The following CSMD1 variants were observed in gnomAD, a reference collection of about 807,000 sequenced individuals.
CSMD1 encodes the protein CUB and Sushi multiple domains 1.
Under a neutral mutation model 417.5 loss-of-function variants are expected in CSMD1, and 213 were observed. The ratio of observed to expected loss-of-function variants is 0.51; its 90% confidence interval spans 0.46 to 0.57. The LOEUF (loss-of-function observed/expected upper bound fraction) is 0.57. CSMD1 is among the 20% of genes least tolerant of loss of function. The pLI is 0.00. For synonymous variants in CSMD1, 2,862 were observed against 1,736.8 expected (o/e 1.65, Z -16.11); for missense variants, 6,923 against 4,529.7 (o/e 1.53, Z -15.17).
intron 7 of CSMD1, among the ~76,000 whole-genome samples, chr8:3,651,295 C>T (rs147536959): frequency 1.3e-5 from 2 of 152,116 alleles, no homozygotes; most frequent in Non-Finnish European, 2.9e-5. Context: ...AGTAAAAGCC[C>T]AAATCCTTAC....
intron 49 of CSMD1, among the ~76,000 whole-genome samples, chr8:3,064,562 G>T (rs1367536865): frequency 4.6e-5 from 7 of 152,110 alleles, no homozygotes; most frequent in African/African-American, 1.7e-4. Context: ...TGTGAGAATG[G>T]ATTAATACAA....
intron 10 of CSMD1, among the ~76,000 whole-genome samples, chr8:3,550,312 T>G (rs1798856309): frequency 1.3e-5 from 2 of 152,160 alleles, no homozygotes; most frequent in African/African-American, 4.8e-5. Flanking sequence ...TCCCACCTTT[T>G]TGGCATTTCT....
At chr8:3,435,402 T>C (rs979701551) in intron 12 of CSMD1, among the ~76,000 whole-genome samples, 6 of 152,110 alleles carry the variant, frequency 3.9e-5, no homozygotes, top group African/African-American at 1.4e-4. Flanking sequence ...GGAGACCTCA[T>C]AGAAATGCCT....
At chr8:3,876,546 C>G (rs1805835151) in intron 5 of CSMD1, among the ~76,000 whole-genome samples, 1 of 152,114 alleles carries the variant, frequency 6.6e-6, no homozygotes, top group African/African-American at 2.4e-5. Context: ...ATATTTATTC[C>G]TAAAAAATTA....
At chr8:4,044,976 G>A (rs995134770) in intron 3 of CSMD1, among the ~76,000 whole-genome samples, 6 of 152,220 alleles carry the variant, frequency 3.9e-5, no homozygotes, top group African/African-American at 9.6e-5. Context: ...CTTGTTCACG[G>A]AGGAGTTTCT....
At chr8:3,752,368 T>C (rs989588265) in intron 6 of CSMD1, among the ~76,000 whole-genome samples, 2 of 151,924 alleles carry the variant, frequency 1.3e-5, no homozygotes, top group Non-Finnish European at 2.9e-5. Flanking sequence ...TAAAATATAT[T>C]TTGGCGCTGG....
intron 5 of CSMD1, among the ~76,000 whole-genome samples, chr8:3,836,071 T>C (rs933340916): frequency 2.7e-4 from 41 of 152,126 alleles, no homozygotes; most frequent in African/African-American, 9.9e-4. Flanking sequence ...ATGTCTCTAA[T>C]TTCTTAATTA....
chr8:4,867,850 T>C (rs182841431), intron 1 of CSMD1, among the ~76,000 whole-genome samples: 85 of 152,252 alleles, frequency 5.6e-4, no homozygotes, highest in African/African-American at 1.7e-3. Flanking sequence ...AAATTCTCAA[T>C]ATTTTATATC....
At chr8:3,100,893 G>C (rs1192849907) in intron 46 of CSMD1, among the ~76,000 whole-genome samples, 1 of 152,054 alleles carries the variant, frequency 6.6e-6, no homozygotes, top group African/African-American at 2.4e-5. Flanking sequence ...CTAGGGAAAA[G>C]GCTGCCCCAG....
chr8:4,766,393 A>C (rs1489802616), intron 1 of CSMD1, among the ~76,000 whole-genome samples: 8 of 152,236 alleles, frequency 5.3e-5, no homozygotes, highest in Non-Finnish European at 1.2e-4. Flanking sequence ...GAACGAGAAC[A>C]TCGTCCAAAG....
intron 54 of CSMD1, among the ~76,000 whole-genome samples, chr8:2,989,545 C>A (rs534083007): frequency 6.6e-6 from 1 of 151,960 alleles, no homozygotes; most frequent in African/African-American, 2.4e-5. Context: ...TAGGAAAAGG[C>A]AAGAAGTTTA....
In CSMD1 at chr8:4,159,198, G is replaced by C. The variant is rs556035976; in HGVS notation, c.416-127099C>G. ...CCCAAAGTGCTGGGATTACAGGCATGAGCCACCGTGCCCAGCCCGTAATTC... is the reference window on the plus strand; with the variant it reads ...CCCAAAGTGCTGGGATTACAGGCATCAGCCACCGTGCCCAGCCCGTAATTC... On this transcript the variant is annotated intron_variant, in intron 3 of 69. Transcript: ENST00000635120. Among the ~76,000 whole-genome samples, 3 of 152,284 alleles carry C rather than the reference G, an allele frequency of 2.0e-5. No individual in the cohort carries two copies. In the South Asian group the frequency reaches 6.2e-4, roughly 32 times the overall value.
intron 1 of CSMD1, among the ~76,000 whole-genome samples, chr8:4,777,732 G>C (rs1028039984): frequency 6.6e-6 from 1 of 152,204 alleles, no homozygotes; most frequent in Non-Finnish European, 1.5e-5. Context: ...TAATGCATGT[G>C]TGTTTCAAAA....
chr8:4,912,135 AAAAAAAG>A (rs1554518070), intron 1 of CSMD1, among the ~76,000 whole-genome samples: 1 of 115,664 alleles, frequency 8.6e-6, no homozygotes, highest in Non-Finnish European at 1.9e-5. Flanking sequence ...AAAAAAAAAA[AAAAAAAG>A]AAAGAAAGAA....
At chr8:4,237,699 G>C (rs1362096388) in intron 3 of CSMD1, among the ~76,000 whole-genome samples, 3 of 152,078 alleles carry the variant, frequency 2.0e-5, no homozygotes, top group Admixed American at 1.3e-4. Flanking sequence ...TTTTTGTAGA[G>C]ACATGGTTTT....
At chr8:4,313,742 A>C (rs1263475287) in intron 3 of CSMD1, among the ~76,000 whole-genome samples, 1 of 152,134 alleles carries the variant, frequency 6.6e-6, no homozygotes, top group Non-Finnish European at 1.5e-5. Flanking sequence ...TAGGCCGGGC[A>C]CAGTGGCTCA....
intron 5 of CSMD1, among the ~76,000 whole-genome samples, chr8:3,816,941 G>A (rs1216015256): frequency 1.3e-5 from 2 of 152,058 alleles, no homozygotes; most frequent in Admixed American, 6.6e-5. Context: ...ATTCTAGGCA[G>A]CGAATCAAGA....
chr8:4,004,980 G>C (rs1298051127), intron 4 of CSMD1, among the ~76,000 whole-genome samples: 2 of 152,130 alleles, frequency 1.3e-5, no homozygotes, highest in South Asian at 2.1e-4. Flanking sequence ...TCCTGACCTC[G>C]TGATCTGCCA....
intron 3 of CSMD1, among the ~76,000 whole-genome samples, chr8:4,143,495 G>A (rs546709888): frequency 6.7e-6 from 1 of 150,374 alleles, no homozygotes; most frequent in African/African-American, 2.5e-5. Context: ...AGTTAAAGCT[G>A]GTTAAACTAA....
Sources: gnomAD v4.1 joint callset for allele counts (sites outside exome capture counted in the v4.1 genomes callset) on GRCh38, gnomAD v4.1.1 for gene constraint, MANE v1.5 for transcripts, NCBI Gene and HGNC (gene_info 2026-07-23, HGNC 2026-07-21) for gene names.